The following HSPBAP1 variants were observed in gnomAD, a reference collection of about 807,000 sequenced individuals.
HSPBAP1 encodes the protein HSPB1 associated protein 1.
In HSPBAP1, 27 loss-of-function variants were observed where a neutral mutation model predicts 45.2. That is an observed-to-expected ratio of 0.60 (90% CI 0.44 to 0.82). The LOEUF (loss-of-function observed/expected upper bound fraction) is 0.82. Among genes scored for constraint, HSPBAP1 ranks in the 40% least tolerant of loss-of-function variants. The pLI is 0.00. For missense variants in HSPBAP1, 510 were observed against 590.9 expected, an observed-to-expected ratio of 0.86 and a Z score of 1.42; for synonymous variants, 204 against 202.7, an observed-to-expected ratio of 1.01 and a Z score of -0.06.
At chr3:122,768,044 T>G (rs756183028) in intron 3 of HSPBAP1, among the ~76,000 whole-genome samples, 5 of 152,086 alleles carry the variant, frequency 3.3e-5, no homozygotes, top group Non-Finnish European at 5.9e-5. Context: ...TTTGCAAAAT[T>G]ATCTCACAAA....
At chr3:122,782,056 G>A (rs1032576124) in intron 1 of HSPBAP1, among the ~76,000 whole-genome samples, 3 of 152,122 alleles carry the variant, frequency 2.0e-5, no homozygotes, top group African/African-American at 7.2e-5. Flanking sequence ...TTAAAAAAAG[G>A]CTTTCCAACT....
intron 3 of HSPBAP1, among the ~76,000 whole-genome samples, chr3:122,768,168 AG>A: frequency 6.6e-6 from 1 of 152,324 alleles, no homozygotes; most frequent in East Asian, 1.9e-4. Context: ...TACTTCTGCA[AG>A]TCACTCCCAC....
At chr3:122,747,300 C>T (rs1222840633) in intron 6 of HSPBAP1, among the ~76,000 whole-genome samples, 5 of 152,026 alleles carry the variant, frequency 3.3e-5, no homozygotes, top group East Asian at 3.9e-4. Context: ...CGCCTCTGCC[C>T]GGCCGCGACC....
intron 6 of HSPBAP1, among the ~76,000 whole-genome samples, chr3:122,750,910 A>G (rs1247487255): frequency 6.6e-6 from 1 of 152,238 alleles, no homozygotes; most frequent in Non-Finnish European, 1.5e-5. Flanking sequence ...ATATGATGAA[A>G]ATTAACAGGG....
chr3:122,771,186 C>A (rs563358632), intron 2 of HSPBAP1, among the ~76,000 whole-genome samples: 1 of 152,320 alleles, frequency 6.6e-6, no homozygotes, highest in South Asian at 2.1e-4. Flanking sequence ...AATGACAGAT[C>A]TTTTCATTTC....
chr3:122,747,330 C>G (rs1171687874), intron 6 of HSPBAP1, among the ~76,000 whole-genome samples: 1 of 151,786 alleles, frequency 6.6e-6, no homozygotes, highest in Non-Finnish European at 1.5e-5. Flanking sequence ...AAGTGAGGAG[C>G]GTCTCTGCCC....
intron 6 of HSPBAP1, among the ~76,000 whole-genome samples, chr3:122,744,095 C>T (rs1933766242): frequency 6.6e-6 from 1 of 152,058 alleles, no homozygotes; most frequent in Admixed American, 6.6e-5. Flanking sequence ...TATTATGTTA[C>T]ATATTCTTTT....
chr3:122,778,212 TTTG>T (rs1205987971), intron 1 of HSPBAP1, among the ~76,000 whole-genome samples: 27 of 80,076 alleles, frequency 3.4e-4, no homozygotes, highest in African/African-American at 4.4e-4. Flanking sequence ...GGTAGTTTTT[TTTG>T]TTGTTTTTTT....
intron 4 of HSPBAP1, among the ~76,000 whole-genome samples, chr3:122,757,919 T>C (rs1298999895): frequency 6.6e-6 from 1 of 152,234 alleles, no homozygotes; most frequent in Non-Finnish European, 1.5e-5. Context: ...TCCACAAGGA[T>C]AGAGACCACA....
intron 4 of HSPBAP1, among the ~76,000 whole-genome samples, chr3:122,757,414 C>T (rs758021173): frequency 1.8e-4 from 28 of 152,172 alleles, no homozygotes; most frequent in Non-Finnish European, 3.1e-4. Context: ...GAGCACTTAT[C>T]CATCCTTCAA....
intron 6 of HSPBAP1, among the ~76,000 whole-genome samples, chr3:122,749,978 C>CT (rs369371448): frequency 0.13 from 17,935 of 140,194 alleles, 1,164 homozygotes; most frequent in Middle Eastern, 0.16. Context: ...GGTTTTCTTT[C>CT]TTTTTTTTTT....
At chr3:122,776,752 A>G (rs1027097827) in intron 2 of HSPBAP1, among the ~76,000 whole-genome samples, 84 of 152,316 alleles carry the variant, frequency 5.5e-4, no homozygotes, top group African/African-American at 1.8e-3. Context: ...AAAGAGTTCC[A>G]GGTATATTCA....
At chr3:122,750,176 T>C (rs1934078401) in intron 6 of HSPBAP1, among the ~76,000 whole-genome samples, 1 of 151,966 alleles carries the variant, frequency 6.6e-6, no homozygotes, top group Non-Finnish European at 1.5e-5. Context: ...GGTTTCACCA[T>C]GTTGGCCAGG....
intron 1 of HSPBAP1, among the ~76,000 whole-genome samples, chr3:122,783,875 G>C (rs1366193497): frequency 2.0e-5 from 3 of 151,202 alleles, no homozygotes; most frequent in Admixed American, 2.0e-4. Context: ...CTGTCGCCCA[G>C]GCTGGAGTGC....
At chr3:122,767,666 T>C (rs1260507454) in intron 3 of HSPBAP1, among the ~76,000 whole-genome samples, 1 of 152,178 alleles carries the variant, frequency 6.6e-6, no homozygotes, top group Non-Finnish European at 1.5e-5. Flanking sequence ...CAGTGGCACA[T>C]TCCTATACTC....
At chr3:122,780,149 C>T (rs1310224921) in intron 1 of HSPBAP1, among the ~76,000 whole-genome samples, 208 of 112,950 alleles carry the variant, frequency 1.8e-3, no homozygotes, top group Non-Finnish European at 3.7e-3. Flanking sequence ...GACCCCCCCA[C>T]CTCCCTCCTG....
chr3:122,753,306 G>A (rs1209445624), intron 5 of HSPBAP1: 13 of 417,186 alleles, frequency 3.1e-5, no homozygotes, highest in Admixed American at 6.4e-5. Flanking sequence ...GACTACAGAA[G>A]ATAGCAAGTA....
At chr3:122,785,890 CATGT>C (rs1187878283) in intron 1 of HSPBAP1, among the ~76,000 whole-genome samples, 1 of 149,102 alleles carries the variant, frequency 6.7e-6, no homozygotes, top group Admixed American at 6.8e-5. Context: ...CTATAATTTC[CATGT>C]GTGTGCGTGT....
At chr3:122,761,392 T>A (rs1934577317) in intron 3 of HSPBAP1, 1 of 124,586 alleles carries the variant, frequency 8.0e-6, no homozygotes, top group Non-Finnish European at 1.7e-5. Flanking sequence ...TCACTGAAGG[T>A]TTTTCTACAG....
Sources: allele counts gnomAD v4.1 joint callset (sites outside exome capture counted in the v4.1 genomes callset), GRCh38; gene constraint gnomAD v4.1.1; transcripts MANE v1.5; gene names NCBI Gene and HGNC (gene_info 2026-07-23, HGNC 2026-07-21).